The following OSTN variants were observed in gnomAD, a reference collection of about 807,000 sequenced individuals.
The protein encoded by OSTN is osteocrin.
A neutral mutation model predicts 12.0 loss-of-function variants in OSTN; 9 were observed. That is an observed-to-expected ratio of 0.75 (90% CI 0.45 to 1.30). OSTN has a LOEUF of 1.30. Ranked by LOEUF, OSTN falls within the 50% of genes most tolerant of loss-of-function variation. The probability of loss-of-function intolerance (pLI) is 0.00; values close to 1 mark genes in which losing one functional copy is unlikely to be tolerated. For missense variants in OSTN, 148 were observed against 152.3 expected, an observed-to-expected ratio of 0.97 and a Z score of 0.15; for synonymous variants, 59 against 56.9, an observed-to-expected ratio of 1.04 and a Z score of -0.16.
chr3:191,248,312 C>A (rs1715481524), intron 3 of OSTN, among the ~76,000 whole-genome samples: 1 of 152,130 alleles, frequency 6.6e-6, no homozygotes, highest in African/African-American at 2.4e-5. Flanking sequence ...TGACTCATTT[C>A]TTCCACCCAA....
At chr3:191,223,220 G>A (rs908554223) in intron 3 of OSTN, among the ~76,000 whole-genome samples, 14 of 152,036 alleles carry the variant, frequency 9.2e-5, no homozygotes, top group South Asian at 2.1e-4. Context: ...ATTAGCAAGC[G>A]TTTAATAGCC....
At chr3:191,248,035 T>C (rs1348523597) in intron 3 of OSTN, among the ~76,000 whole-genome samples, 4 of 152,164 alleles carry the variant, frequency 2.6e-5, no homozygotes, top group Non-Finnish European at 4.4e-5. Context: ...GGTTTCACCA[T>C]GTTGGCCAGG....
At chr3:191,222,596 A>G (rs1449891154) in intron 3 of OSTN, among the ~76,000 whole-genome samples, 1 of 152,244 alleles carries the variant, frequency 6.6e-6, no homozygotes, top group East Asian at 1.9e-4. Flanking sequence ...TTGGACTTGG[A>G]CTTTTAGGTT....
chr3:191,221,402 T>C (rs558593984), intron 3 of OSTN, among the ~76,000 whole-genome samples: 42 of 152,130 alleles, frequency 2.8e-4, no homozygotes, highest in African/African-American at 8.9e-4. Flanking sequence ...TAGGATAATA[T>C]GGGAAAGTTT....
chr3:191,212,757 TTA>T (rs1714493301), intron 2 of OSTN, 123 bp downstream of exon 2: 2 of 175,570 alleles, frequency 1.1e-5, no homozygotes, highest in Non-Finnish European at 2.1e-5. Flanking sequence ...ATTTATATAT[TTA>T]TATATCATAT....
intron 1 of OSTN, among the ~76,000 whole-genome samples, chr3:191,203,007 G>A (rs913936340): frequency 4.6e-5 from 7 of 152,242 alleles, no homozygotes; most frequent in Admixed American, 1.3e-4. Context: ...TTTGAGGTTA[G>A]TGATGCATGT....
At chr3:191,222,160 C>A (rs913754139) in intron 3 of OSTN, among the ~76,000 whole-genome samples, 1 of 152,360 alleles carries the variant, frequency 6.6e-6, no homozygotes, top group South Asian at 2.1e-4. Context: ...TCATGAAGAA[C>A]CACTACTAGG....
intron 3 of OSTN, chr3:191,234,749 T>C (rs1715147835): frequency 6.6e-6 from 1 of 151,446 alleles, no homozygotes; most frequent in African/African-American, 2.4e-5. Flanking sequence ...GTAGTGACTT[T>C]TCTTCAGGAG....
At chr3:191,249,263 T>C (rs1213819210) in intron 3 of OSTN, among the ~76,000 whole-genome samples, 4 of 152,326 alleles carry the variant, frequency 2.6e-5, no homozygotes, top group Middle Eastern at 3.4e-3. Flanking sequence ...ATCAAAGCTC[T>C]GGATCCTCTC....
At chr3:191,223,553 T>C (rs959459092) in intron 3 of OSTN, among the ~76,000 whole-genome samples, 3 of 152,172 alleles carry the variant, frequency 2.0e-5, no homozygotes, top group Non-Finnish European at 4.4e-5. Flanking sequence ...TTCACGGCTA[T>C]TAACTGAAAA....
chr3:191,212,556 T>G lies in OSTN; in HGVS notation c.24T>G (p.Ser8Arg), dbSNP rs1481702771. Residue 8 changes from serine (S) to arginine (R), a missense_variant, in exon 2 of 5, where the codon AGT becomes AGG. By Grantham distance (110) the Ser-to-Arg change is moderately radical. Coordinates refer to ENST00000682035, the MANE Select transcript of OSTN (RefSeq NM_198184.2). ...AGATGCTGGACTGGAGATTGGCAAG[T>G]GCACATTTCATCCTGGCTGTGACAC... Reference protein sequence around the residue: MLDWRLASAHFILAVTLT... With the variant: MLDWRLARAHFILAVTLT... The G allele has an allele frequency of 7.5e-6, 12 of 1,592,430 alleles. No homozygotes were observed. Among genetic ancestry groups the G allele is most frequent in the African/African-American group, 1.3e-5 (1 of 74,552 alleles).
At chr3:191,231,335 C>G (rs887033352) in intron 3 of OSTN, among the ~76,000 whole-genome samples, 2 of 150,960 alleles carry the variant, frequency 1.3e-5, no homozygotes, top group African/African-American at 4.9e-5. Flanking sequence ...AAGGCTTCAG[C>G]GTCATTAAAA....
At chr3:191,262,307 T>C (rs889564303) in intron 4 of OSTN, among the ~76,000 whole-genome samples, 1 of 152,254 alleles carries the variant, frequency 6.6e-6, no homozygotes, top group Non-Finnish European at 1.5e-5. Flanking sequence ...AGACACATGT[T>C]GCTGAATTAT....
At chr3:191,254,538 T>A (rs1313845514) in intron 4 of OSTN, among the ~76,000 whole-genome samples, 1 of 152,216 alleles carries the variant, frequency 6.6e-6, no homozygotes, top group Non-Finnish European at 1.5e-5. Context: ...TGGAGACTTG[T>A]AGCCAAGAAA....
intron 4 of OSTN, among the ~76,000 whole-genome samples, chr3:191,254,178 T>C (rs922003848): frequency 6.6e-6 from 1 of 152,184 alleles, no homozygotes; most frequent in African/African-American, 2.4e-5. Flanking sequence ...AACAGATCTT[T>C]AATAAGAAGT....
At chr3:191,212,157 C>T (rs149790758) in intron 1 of OSTN, among the ~76,000 whole-genome samples, 31 of 152,326 alleles carry the variant, frequency 2.0e-4, no homozygotes, top group Middle Eastern at 3.4e-3. Flanking sequence ...TCAGGACTTA[C>T]GCTCTAATGC....
intron 2 of OSTN, among the ~76,000 whole-genome samples, chr3:191,215,156 C>T (rs541169580): frequency 2.0e-5 from 3 of 152,272 alleles, no homozygotes; most frequent in South Asian, 4.1e-4. Flanking sequence ...GCATATTCTT[C>T]ACAAGGTGGC....
At chr3:191,234,033 A>G (rs1715127795) in intron 3 of OSTN, among the ~76,000 whole-genome samples, 1 of 152,168 alleles carries the variant, frequency 6.6e-6, no homozygotes, top group Non-Finnish European at 1.5e-5. Context: ...ATTTTTCTAA[A>G]TAATGGTTTC....
chr3:191,236,401 C>T (rs1715190214), intron 3 of OSTN, among the ~76,000 whole-genome samples: 1 of 152,030 alleles, frequency 6.6e-6, no homozygotes, highest in African/African-American at 2.4e-5. Flanking sequence ...GAATTTAAGG[C>T]AAGTCCACAG....
Sources: allele counts gnomAD v4.1 joint callset (sites outside exome capture counted in the v4.1 genomes callset), GRCh38; gene constraint gnomAD v4.1.1; transcripts MANE v1.5; gene names NCBI Gene and HGNC (gene_info 2026-07-23, HGNC 2026-07-21).